The following CD300A variants were observed in gnomAD, a reference collection of about 807,000 sequenced individuals.
CD300A encodes CD300a molecule, also known as CMRF35-like molecule 8.
CD300A carries 22 observed loss-of-function variants against 33.6 expected under a neutral mutation model. That is an observed-to-expected ratio of 0.66 (90% CI 0.47 to 0.94). The LOEUF (loss-of-function observed/expected upper bound fraction) is 0.94. Among genes scored for constraint, CD300A ranks in the 40% least tolerant of loss-of-function variants. The pLI is 0.00. For missense variants in CD300A, 326 were observed against 360.5 expected (o/e 0.90, Z 0.77); for synonymous variants, 136 against 148.1 (o/e 0.92, Z 0.59).
chr17:74,476,828 C>G (rs185912797), intron 3 of CD300A, among the ~76,000 whole-genome samples: 16 of 152,272 alleles, frequency 1.1e-4, no homozygotes, highest in Admixed American at 6.5e-4. Context: ...CGTGGAAAGA[C>G]CTCTAAGATG....
intron 1 of CD300A, among the ~76,000 whole-genome samples, chr17:74,468,009 T>TTTTATTTATTTATTTATTTA (rs138029210): frequency 1.2e-4 from 17 of 146,430 alleles, no homozygotes; most frequent in African/African-American, 2.8e-4. Context: ...GCATTTTTAC[T>TTTTATTTATTTATTTATTTA]TTTATTTATT....
In CD300A at chr17:74,484,270, C is replaced by T; in HGVS notation, c.*144C>T. On this transcript the variant is annotated 3_prime_UTR_variant, in exon 7 of 7. Coordinates refer to ENST00000360141, the MANE Select transcript of CD300A (RefSeq NM_007261.4). ...GGCAGCTGGGTTTCCCAGGCCATCC[C>T]TCTGTTGCCATCAGCTTGATTGGCT... 2.3e-6 allele frequency: 2 copies of T among 872,060 alleles called. No individual in the cohort carries two copies. Among genetic ancestry groups the T allele is most frequent in the Non-Finnish European group, 3.4e-6 (2 of 579,890 alleles). The allele number at this position is 872,060 out of a possible 1,614,324, so 54.0% of individuals were successfully genotyped here.
At chr17:74,466,930 A>G in intron 1 of CD300A, 187 bp downstream of exon 1, 1 of 1,448,796 alleles carries the variant, frequency 6.9e-7, no homozygotes, top group Non-Finnish European at 9.1e-7. Context: ...GGAAGGAGCC[A>G]GGGCCTCTCC....
rs147127608 is a variant in CD300A, at chr17:74,480,283, C to G, written c.629-1006C>G. On this transcript the variant is annotated intron_variant, in intron 4 of 6. Coordinates refer to ENST00000360141, the MANE Select transcript of CD300A (RefSeq NM_007261.4). This position sits in a 1 kb window ranked among gnomAD's most constrained non-coding sequence, Gnocchi z 4.2. ...CCTTTAATTCTGGGGGAGGAGCCCA[C>G]AGATCCCCACAGCATCCAGTGCAGT... Among the ~76,000 whole-genome samples, 9 of 152,218 alleles carry G rather than the reference C, an allele frequency of 5.9e-5. No individual in the cohort carries two copies. The East Asian group carries it at 1.7e-3, about 30-fold the overall frequency.
Position 74,480,064 on chromosome 17 carries a change from C to T in CD300A, c.629-1225C>T, listed in dbSNP as rs116108989. Among the ~76,000 whole-genome samples the T allele has an allele frequency of 5.0e-3, 754 of 152,284 alleles. 4 individuals carry two copies. The highest frequency in any genetic ancestry group is 0.017 in the African/African-American group (705 of 41,556). On this transcript the variant is annotated intron_variant, in intron 4 of 6. Transcript: ENST00000360141. This position sits in a 1 kb window ranked among gnomAD's most constrained non-coding sequence, Gnocchi z 4.2. ...TGAACTCCTGTCTCTTCCCCACCAG[C>T]TCTTTTTCTCCTTCCCATCAGAACA...
At chr17:74,469,000 TAGG>T (rs1905912681) in intron 1 of CD300A, among the ~76,000 whole-genome samples, 1 of 152,172 alleles carries the variant, frequency 6.6e-6, no homozygotes, top group African/African-American at 2.4e-5. Flanking sequence ...TGAACTACAT[TAGG>T]AGATCTGGTC....
At chr17:74,478,676 A>G (rs1454063483) in intron 4 of CD300A, among the ~76,000 whole-genome samples, 1 of 152,154 alleles carries the variant, frequency 6.6e-6, no homozygotes, top group African/African-American at 2.4e-5. Context: ...TCTCAGGGGA[A>G]TCTTTGTCCA....
intron 4 of CD300A, 146 bp from the exon 5 acceptor site, chr17:74,481,143 G>GCTTC: frequency 1.5e-6 from 1 of 647,060 alleles, no homozygotes; most frequent in South Asian, 1.9e-5. Context: ...ACAAACCCTT[G>GCTTC]AGTTCCTACC....
intron 1 of CD300A, among the ~76,000 whole-genome samples, chr17:74,468,665 AT>A (rs1055770721): frequency 2.6e-5 from 4 of 151,542 alleles, no homozygotes; most frequent in African/African-American, 9.7e-5. Context: ...ATTTTTATTT[AT>A]TTTTTTGGAG....
chr17:74,468,336 C>A (rs891501618), intron 1 of CD300A, among the ~76,000 whole-genome samples: 4 of 151,922 alleles, frequency 2.6e-5, no homozygotes, highest in Non-Finnish European at 4.4e-5. Flanking sequence ...GCCTGGCCAA[C>A]ATTTTTATTT....
chr17:74,466,644 C>G lies in CD300A; in HGVS notation c.-60C>G, dbSNP rs569245082. ...CGGGGCCTTGGAGGCGTGACTTTCC[C>G]CTCGGGTCCAGGTAGGGCCTGGAGC... On this transcript the variant is annotated 5_prime_UTR_variant, in exon 1 of 7. Coordinates refer to ENST00000360141, the MANE Select transcript of CD300A (RefSeq NM_007261.4). 180 of 1,549,898 alleles carry G rather than the reference C, an allele frequency of 1.2e-4. No homozygotes were observed. Among genetic ancestry groups the G allele is most frequent in the Admixed American group, 2.7e-4 (14 of 51,788 alleles).
At position 74,481,765 on chromosome 17, in the gene CD300A, C is replaced by A; in HGVS notation, c.706C>A (p.Leu236Met). 1 of 1,612,796 alleles carries A rather than the reference C, an allele frequency of 6.2e-7. No homozygotes were observed. The highest frequency in any genetic ancestry group is 8.5e-7 in the Non-Finnish European group (1 of 1,179,682). Residue 236 changes from leucine (L) to methionine (M), a missense_variant, in exon 6 of 7, where the codon CTG (leucine) becomes ATG (methionine). Transcript: ENST00000360141. ...QSELHYANLE[L>M]LMWPLQEKPA... is the part of the protein sequence containing the mutation. The stretch of plus-strand genomic sequence containing the variant: ...TGAGCTGCACTACGCAAATCTGGAG[C>A]TGCTGATGTGGCCTCTGCAGGAAAA...
At chr17:74,475,639 GCACAAAACCC>G (rs1278290605) in intron 3 of CD300A, among the ~76,000 whole-genome samples, 2 of 152,090 alleles carry the variant, frequency 1.3e-5, no homozygotes, top group African/African-American at 4.8e-5. Context: ...CCCTATTCTA[GCACAAAACCC>G]CACAATTCCA....
rs199692139 is a variant in CD300A at position 74,473,906 on chromosome 17, G to A, written c.379+32G>A. 2.8e-4 allele frequency: 453 copies of A among 1,593,534 alleles called. 2 individuals carry two copies. In the African/African-American group the frequency reaches 5.1e-3, roughly 18 times the overall value. ...CCCTCCTTCCCTCAGCGCCTAAATA[G>A]GCTCAGGTTGGAATTGTTGGGGCAG... On this transcript the variant is annotated intron_variant, in intron 2 of 6. Transcript: ENST00000360141.
chr17:74,482,689 C>CCTTCCTTCCTTT (rs1418820335), intron 6 of CD300A, among the ~76,000 whole-genome samples: 1 of 104,444 alleles, frequency 9.6e-6, no homozygotes, highest in African/African-American at 8.9e-5. Flanking sequence ...TTCCTTCCTT[C>CCTTCCTTCCTTT]CTTCCTTCCT....
intron 3 of CD300A, among the ~76,000 whole-genome samples, chr17:74,476,679 A>T (rs1906483502): frequency 6.6e-6 from 1 of 152,216 alleles, no homozygotes; most frequent in East Asian, 1.9e-4. Context: ...CTGCAAGGCG[A>T]TTTATAAGCA....
In CD300A at chr17:74,480,572, G is replaced by C. The variant is rs539163907; in HGVS notation, c.629-717G>C. On this transcript the variant is annotated intron_variant, in intron 4 of 6. Transcript: ENST00000360141. The surrounding 1 kb of genome is among the most constrained non-coding windows in gnomAD (Gnocchi z 4.2). ...GTCTGGGAGGGCAGACCTCAGGCACGGGGATGGGAGCAGAGGCCCCAGCAA... is the reference window on the plus strand; with the variant it reads ...GTCTGGGAGGGCAGACCTCAGGCACCGGGATGGGAGCAGAGGCCCCAGCAA... Among the ~76,000 whole-genome samples, 168 of 152,276 alleles carry C rather than the reference G, an allele frequency of 1.1e-3. 2 individuals are homozygous for C. Among genetic ancestry groups the C allele is most frequent in the African/African-American group, 3.9e-3 (160 of 41,540 alleles).
intron 1 of CD300A, among the ~76,000 whole-genome samples, chr17:74,469,154 G>C (rs1365014708): frequency 1.3e-5 from 2 of 151,940 alleles, no homozygotes; most frequent in African/African-American, 2.4e-5. Flanking sequence ...TTGTAAAACT[G>C]TCTGAGTTTT....
intron 4 of CD300A, among the ~76,000 whole-genome samples, chr17:74,479,820 C>T (rs1906714127): frequency 6.6e-6 from 1 of 152,086 alleles, no homozygotes; most frequent in African/African-American, 2.4e-5. Flanking sequence ...AGCCTGACAC[C>T]TGCCTCATCA....
Sources: allele counts gnomAD v4.1 joint callset (sites outside exome capture counted in the v4.1 genomes callset), GRCh38; gene constraint gnomAD v4.1.1; non-coding constraint Gnocchi (gnomAD v3.1); transcripts MANE v1.5; gene names NCBI Gene and HGNC (gene_info 2026-07-23, HGNC 2026-07-21).